The following ZNF181 variants were observed in gnomAD, a reference collection of about 807,000 sequenced individuals.
ZNF181 encodes zinc finger protein 181, also known as zinc finger protein 181 (HHZ181).
ZNF181 carries 8 observed loss-of-function variants against 11.9 expected under a neutral mutation model. That is an observed-to-expected ratio of 0.67 (90% CI 0.39 to 1.21). ZNF181 has a LOEUF of 1.21. ZNF181 is among the 50% of genes most tolerant of loss of function. The probability of loss-of-function intolerance (pLI) is 0.01; values close to 1 mark genes in which losing one functional copy is unlikely to be tolerated. For missense variants in ZNF181, 542 were observed against 670.9 expected (o/e 0.81, Z 2.12); for synonymous variants, 202 against 221.1 (o/e 0.91, Z 0.77).
rs187359862 is a variant in ZNF181 at position 34,742,919 on chromosome 19, A to T, written c.*822A>T. The T allele has an allele frequency of 8.6e-4, 131 of 152,354 alleles. No homozygotes were observed. The highest frequency in any genetic ancestry group is 1.9e-3 in the African/African-American group (81 of 41,582). The allele number at this position is 152,354 out of a possible 1,614,324, so 9.4% of individuals were successfully genotyped here. ...CTGTAAAAAAAATTTCACTAAGATT[A>T]GCCTTAGCGTAGCCTTTAGTGGGAG... On this transcript the variant is annotated 3_prime_UTR_variant, in exon 4 of 4. Coordinates refer to ENST00000492450, the MANE Select transcript of ZNF181 (RefSeq NM_001029997.4).
chr19:34,738,308 AAG>A (rs1452491567), intron 1 of ZNF181, among the ~76,000 whole-genome samples: 4 of 152,150 alleles, frequency 2.6e-5, no homozygotes, highest in African/African-American at 7.2e-5. Context: ...GGGCGAAGAG[AAG>A]AGAGAGAACC....
chr19:34,741,071 T>C lies in ZNF181; in HGVS notation c.690T>C (p.Thr230=), dbSNP rs766486685. 6 of 1,614,036 alleles carry C rather than the reference T, an allele frequency of 3.7e-6. No individual in the cohort carries two copies. The highest frequency in any genetic ancestry group is 5.1e-6 in the Non-Finnish European group (6 of 1,179,980). The change falls in exon 4 of 4, where the codon ACT becomes ACC. Residue 230 remains threonine, a synonymous_variant. Transcript: ENST00000492450. ...GCAAATCTCTTACCCTTCCCCAGAC[T>C]TGTAATAGAGAGAAAATCTATACAT... ...SQGKSLTLPQ[T]CNREKIYTCS... is the part of the protein sequence containing the mutation.
intron 3 of ZNF181, 150 bp downstream of exon 3, chr19:34,739,771 A>C: frequency 1.3e-6 from 1 of 791,894 alleles, no homozygotes; most frequent in East Asian, 2.7e-5. Context: ...TATTTAGCTT[A>C]GATTTTCAAA....
In ZNF181 at chr19:34,743,202, A is replaced by C. The variant is rs2069005496; in HGVS notation, c.*1105A>C. On this transcript the variant is annotated 3_prime_UTR_variant, in exon 4 of 4. Coordinates refer to ENST00000492450, the MANE Select transcript of ZNF181 (RefSeq NM_001029997.4). The stretch of plus-strand genomic sequence containing the variant: ...GTCTGAATCTTAGGGTTTCTGTATG[A>C]GTTGATTTGAATTTGCATTTTTCAT... 1 of 152,190 alleles carries C rather than the reference A, an allele frequency of 6.6e-6. No individual in the cohort carries two copies. Among genetic ancestry groups the C allele is most frequent in the Non-Finnish European group, 1.5e-5 (1 of 68,040 alleles). 9.4% of individuals were successfully genotyped at this position (152,190 alleles called of 1,614,324 possible).
In ZNF181 at chr19:34,734,734, T is replaced by TA. The variant is rs1307818778; in HGVS notation, c.-301dup. ...TAGTGGTGAAGACTGAACGAGCTGA[T>TA]AAAGTTTTTACCATTGTTTTATGAG... On this transcript the variant is annotated 5_prime_UTR_variant, in exon 1 of 4. Transcript: ENST00000492450. The TA allele has an allele frequency of 8.7e-6, 4 of 461,486 alleles. No homozygotes were observed. Among genetic ancestry groups the TA allele is most frequent in the South Asian group, 3.9e-5 (1 of 25,668 alleles). The allele number at this position is 461,486 out of a possible 1,614,324, so 28.6% of individuals were successfully genotyped here.
At position 34,739,654 on chromosome 19, in the gene ZNF181, T is replaced by C. The variant is rs375868564; in HGVS notation, c.229+33T>C. The C allele has an allele frequency of 1.8e-5, 29 of 1,612,640 alleles. No individual in the cohort carries two copies. In the African/African-American group the frequency reaches 3.6e-4, roughly 20 times the overall value. ...ATGGTGAACGAGACAAAGGAAGATT[T>C]TGTTAAAAAGGGTCCCAAACTCTTT... is the stretch of plus-strand genomic sequence containing the variant. On this transcript the variant is annotated intron_variant, in intron 3 of 3. Transcript: ENST00000492450.
At chr19:34,737,315 G>A (rs1468873053) in intron 1 of ZNF181, among the ~76,000 whole-genome samples, 2 of 152,122 alleles carry the variant, frequency 1.3e-5, no homozygotes, top group Non-Finnish European at 2.9e-5. Context: ...CCAAAGACGA[G>A]TATCACTGGT....
intron 3 of ZNF181, among the ~76,000 whole-genome samples, 169 bp from the exon 4 acceptor site, chr19:34,740,442 G>C (rs566728082): frequency 6.6e-6 from 1 of 151,896 alleles, no homozygotes; most frequent in South Asian, 2.1e-4. Context: ...TGTATTCTCT[G>C]CTCCATTTGA....
rs200927726 is a variant in ZNF181, at chr19:34,741,212, C to G, written c.831C>G (p.Gly277=). The G allele has an allele frequency of 6.2e-7, 1 of 1,613,962 alleles. No individual in the cohort carries two copies. Among genetic ancestry groups the G allele is most frequent in the Non-Finnish European group, 8.5e-7 (1 of 1,179,928 alleles). Residue 277 remains glycine (G), a synonymous_variant, in exon 4 of 4, where the codon GGC becomes GGG. Coordinates refer to ENST00000492450, the MANE Select transcript of ZNF181 (RefSeq NM_001029997.4). ...CRECGKTFSH[G]SSLTRHLISH... is the part of the protein sequence containing the mutation. ...AATGTGGGAAGACTTTTAGCCATGG[C>G]TCATCCCTTACACGACATCTGATAA...
chr19:34,734,648 A>G lies in ZNF181; in HGVS notation c.-390A>G, dbSNP rs1477600298. On this transcript the variant is annotated 5_prime_UTR_variant, in exon 1 of 4. Transcript: ENST00000492450. ...TGAACAAATGGGTTCAGTATCTTGGAATTTCAGTTTTGTCATCGTTTAAAA... is the reference window on the plus strand; with the variant it reads ...TGAACAAATGGGTTCAGTATCTTGGGATTTCAGTTTTGTCATCGTTTAAAA... 1 of 218,950 alleles carries G rather than the reference A, an allele frequency of 4.6e-6. No homozygotes were observed. The highest frequency in any genetic ancestry group is 9.1e-6 in the Non-Finnish European group (1 of 110,082). The allele number at this position is 218,950 out of a possible 1,614,324, so 13.6% of individuals were successfully genotyped here.
chr19:34,741,279 A>G lies in ZNF181; in HGVS notation c.898A>G (p.Lys300Glu). ...EKPYKCIECGKAFSHVSSLTN... is the reference protein window; with the variant it reads ...EKPYKCIECGEAFSHVSSLTN... ...ACCTTACAAATGTATTGAATGTGGG[A>G]AGGCCTTTAGCCATGTCTCATCACT... The change falls in exon 4 of 4, where the codon AAG becomes GAG. Residue 300 changes from lysine (K) to glutamate (E), a missense_variant. Transcript: ENST00000492450. 1 of 1,613,956 alleles carries G rather than the reference A, an allele frequency of 6.2e-7. No individual in the cohort carries two copies. The highest frequency in any genetic ancestry group is 8.5e-7 in the Non-Finnish European group (1 of 1,179,848).
chr19:34,742,165 GAA>G lies in ZNF181; in HGVS notation c.*70_*71del. On this transcript the variant is annotated 3_prime_UTR_variant, in exon 4 of 4. Transcript: ENST00000492450. ...TAACATTAGAAAAATTTATACTGGGGAAAGTCTTATGAATGTGGTGAATATAG... is the reference window on the plus strand; with the variant it reads ...TAACATTAGAAAAATTTATACTGGGGAGTCTTATGAATGTGGTGAATATAG... 1.4e-6 allele frequency: 2 copies of G among 1,464,534 alleles called. No homozygotes were observed. The highest frequency in any genetic ancestry group is 1.8e-6 in the Non-Finnish European group (2 of 1,095,434). 90.7% of individuals were successfully genotyped at this position (1,464,534 alleles called of 1,614,324 possible).
Position 34,744,324 on chromosome 19 carries a change from T to C in ZNF181, c.*2227T>C, listed in dbSNP as rs2069015650. ...GATTTATTTTTAATCATGAAATTTA[T>C]ATTGAAATTCTGTGAAACATTGAAG... On this transcript the variant is annotated 3_prime_UTR_variant, in exon 4 of 4. Coordinates refer to ENST00000492450, the MANE Select transcript of ZNF181 (RefSeq NM_001029997.4). The C allele has an allele frequency of 6.6e-6, 1 of 152,160 alleles. No individual in the cohort carries two copies. Among genetic ancestry groups the C allele is most frequent in the South Asian group, 2.1e-4 (1 of 4,830 alleles). 9.4% of individuals were successfully genotyped at this position (152,160 alleles called of 1,614,324 possible). A position where few individuals can be genotyped will look rare whatever the true frequency, so the allele number is the denominator to read the frequency against.
At chr19:34,739,336 C>G in intron 2 of ZNF181, 68 bp downstream of exon 2, 2 of 1,601,418 alleles carry the variant, frequency 1.2e-6, no homozygotes, top group African/African-American at 1.3e-5. Context: ...TTGCTGGAGA[C>G]CCTCCTAAGT....
rs1478515965 is a variant in ZNF181 at position 34,743,311 on chromosome 19, G to T, written c.*1214G>T. 1 of 152,090 alleles carries T rather than the reference G, an allele frequency of 6.6e-6. No individual in the cohort carries two copies. Among genetic ancestry groups the T allele is most frequent in the Non-Finnish European group, 1.5e-5 (1 of 68,028 alleles). The allele number at this position is 152,090 out of a possible 1,614,324, so 9.4% of individuals were successfully genotyped here. A position where few individuals can be genotyped will look rare whatever the true frequency, so the allele number is the denominator to read the frequency against. On this transcript the variant is annotated 3_prime_UTR_variant, in exon 4 of 4. Coordinates refer to ENST00000492450, the MANE Select transcript of ZNF181 (RefSeq NM_001029997.4). ...ACAAAACAAATCTGATCTTTTTCTC[G>T]CAGGGATGTTATCTGACAAGAAAGA... is the stretch of plus-strand genomic sequence containing the variant.
rs1268661591 is a variant in ZNF181 at position 34,744,905 on chromosome 19, C to T, written c.*2808C>T. ...CATGTCACTTTGTTATGAGAGGATT[C>T]ATCGAAATACCTGTGCTTTGTCATT... On this transcript the variant is annotated 3_prime_UTR_variant, in exon 4 of 4. Transcript: ENST00000492450. The T allele has an allele frequency of 6.6e-6, 1 of 152,100 alleles. No individual in the cohort carries two copies. The highest frequency in any genetic ancestry group is 2.4e-5 in the African/African-American group (1 of 41,412). 9.4% of individuals were successfully genotyped at this position (152,100 alleles called of 1,614,324 possible). A position where few individuals can be genotyped will look rare whatever the true frequency, so the allele number is the denominator to read the frequency against.
chr19:34,743,722 A>G lies in ZNF181; in HGVS notation c.*1625A>G, dbSNP rs2069011051. 6.6e-6 allele frequency: 1 copy of G among 152,232 alleles called. No individual in the cohort carries two copies. The highest frequency in any genetic ancestry group is 6.5e-5 in the Admixed American group (1 of 15,278). The allele number at this position is 152,232 out of a possible 1,614,324, so 9.4% of individuals were successfully genotyped here. A position where few individuals can be genotyped will look rare whatever the true frequency, so the allele number is the denominator to read the frequency against. ...TCATAGTTACGGGAGTTTACCTTGA[A>G]ATCACTAGCCCAGAAGTGTTCTCAT... is the stretch of plus-strand genomic sequence containing the variant. On this transcript the variant is annotated 3_prime_UTR_variant, in exon 4 of 4. Transcript: ENST00000492450.
chr19:34,734,258 C>G lies in ZNF181; in HGVS notation c.-780C>G, dbSNP rs1466537170. 2 of 152,282 alleles carry G rather than the reference C, an allele frequency of 1.3e-5. No individual in the cohort carries two copies. The highest frequency in any genetic ancestry group is 1.3e-4 in the Admixed American group (2 of 15,290). The allele number at this position is 152,282 out of a possible 1,614,324, so 9.4% of individuals were successfully genotyped here. The stretch of plus-strand genomic sequence containing the variant: ...GGTCCGCCCCGCTGTAGCCTCAGGC[C>G]TGACGGCGACTCCCAGGCTCCGGGA... On this transcript the variant is annotated 5_prime_UTR_variant, in exon 1 of 4. Transcript: ENST00000492450.
chr19:34,739,102 A>G, intron 1 of ZNF181, 46 bp from the exon 2 acceptor site: 1 of 1,609,986 alleles, frequency 6.2e-7, no homozygotes, highest in South Asian at 1.1e-5. Flanking sequence ...TCAGTGACAG[A>G]AGAGGCCTGG....
Sources: allele counts gnomAD v4.1 joint callset (sites outside exome capture counted in the v4.1 genomes callset), GRCh38; gene constraint gnomAD v4.1.1; transcripts MANE v1.5; gene names NCBI Gene and HGNC (gene_info 2026-07-23, HGNC 2026-07-21).